CDH13: variants seen among roughly 807,000 people sequenced by gnomAD.
CDH13 encodes cadherin 13, also known as cadherin-13.
In CDH13, 24 loss-of-function variants were observed where a neutral mutation model predicts 63.8. That is an observed-to-expected ratio of 0.38 (90% CI 0.27 to 0.53). CDH13 has a LOEUF of 0.53. Among genes scored for constraint, CDH13 ranks in the 20% least tolerant of loss-of-function variants. CDH13 has a pLI of 0.85. For synonymous variants in CDH13, 503 were observed against 355.3 expected, an observed-to-expected ratio of 1.42 and a Z score of -4.67; for missense variants, 1,049 against 903.1, an observed-to-expected ratio of 1.16 and a Z score of -2.07.
At chr16:82,930,077 C>G (rs1015229843) in intron 2 of CDH13, among the ~76,000 whole-genome samples, 13 of 111,780 alleles carry the variant, frequency 1.2e-4, no homozygotes, top group Admixed American at 7.5e-4. Flanking sequence ...TAGAGTCTTA[C>G]TCTGTTGCCC....
intron 2 of CDH13, among the ~76,000 whole-genome samples, chr16:82,896,275 G>GGTTTTTTTTTTTTT (rs2041252984): frequency 1.4e-5 from 1 of 73,276 alleles, no homozygotes; most frequent in Non-Finnish European, 2.6e-5. Context: ...CTAGGATTAG[G>GGTTTTTTTTTTTTT]ATTTTTTTTT....
chr16:83,683,973 C>T (rs1007350150), intron 10 of CDH13, among the ~76,000 whole-genome samples: 1 of 152,216 alleles, frequency 6.6e-6, no homozygotes, highest in African/African-American at 2.4e-5. Flanking sequence ...CTTCCACTTT[C>T]AGCGTAGCAA....
chr16:82,761,017 C>CTTTTGTTTTTTTT (rs2034820869), intron 1 of CDH13, among the ~76,000 whole-genome samples: 1 of 40,452 alleles, frequency 2.5e-5, no homozygotes. Flanking sequence ...TTCTTTCTTT[C>CTTTTGTTTTTTTT]TTTTTTTTTT....
At chr16:83,189,909 A>C (rs1272031520) in intron 4 of CDH13, among the ~76,000 whole-genome samples, 1 of 152,052 alleles carries the variant, frequency 6.6e-6, no homozygotes, top group Non-Finnish European at 1.5e-5. Context: ...GTCTCATGAG[A>C]TCTGATGGTT....
At chr16:82,777,683 G>A (rs1173147881) in intron 1 of CDH13, among the ~76,000 whole-genome samples, 1 of 152,146 alleles carries the variant, frequency 6.6e-6, no homozygotes, top group African/African-American at 2.4e-5. Flanking sequence ...GGGTCTTTGG[G>A]CCATAATCAA....
At chr16:83,159,090 C>A (rs903621214) in intron 4 of CDH13, among the ~76,000 whole-genome samples, 1 of 152,144 alleles carries the variant, frequency 6.6e-6, no homozygotes, top group African/African-American at 2.4e-5. Flanking sequence ...GTCTTGCCTT[C>A]CATGTCTTGT....
At chr16:82,964,624 C>T (rs767547591) in intron 2 of CDH13, among the ~76,000 whole-genome samples, 5 of 152,210 alleles carry the variant, frequency 3.3e-5, no homozygotes, top group Non-Finnish European at 7.3e-5. Context: ...AAGAAACCAA[C>T]TTATAACACT....
At chr16:82,956,896 C>G (rs921973599) in intron 2 of CDH13, among the ~76,000 whole-genome samples, 2 of 152,184 alleles carry the variant, frequency 1.3e-5, no homozygotes, top group African/African-American at 4.8e-5. Flanking sequence ...ATATTACTCT[C>G]TCAAGTGATG....
intron 8 of CDH13, among the ~76,000 whole-genome samples, chr16:83,611,116 C>G (rs930399903): frequency 6.6e-6 from 1 of 152,094 alleles, no homozygotes; most frequent in Admixed American, 6.6e-5. Flanking sequence ...CTTTTCAAGT[C>G]TTTCAACCAT....
At chr16:82,685,978 G>C (rs1022053119) in intron 1 of CDH13, among the ~76,000 whole-genome samples, 6 of 152,166 alleles carry the variant, frequency 3.9e-5, no homozygotes, top group Non-Finnish European at 8.8e-5. Flanking sequence ...ACAGAGAGCT[G>C]ATAATTAAGG....
chr16:83,566,628 A>T (rs180997518), intron 7 of CDH13, among the ~76,000 whole-genome samples: 1 of 152,048 alleles, frequency 6.6e-6, no homozygotes, highest in Non-Finnish European at 1.5e-5. Flanking sequence ...TCCTTGTACC[A>T]TCTAATGAGG....
chr16:83,779,104 A>T (rs1249688898), intron 11 of CDH13, among the ~76,000 whole-genome samples: 1 of 152,186 alleles, frequency 6.6e-6, no homozygotes, highest in Non-Finnish European at 1.5e-5. Flanking sequence ...AAGCCTAAAG[A>T]ACTTCAATCA....
At chr16:83,765,727 T>C (rs750477371) in intron 11 of CDH13, among the ~76,000 whole-genome samples, 18 of 151,960 alleles carry the variant, frequency 1.2e-4, no homozygotes, top group Admixed American at 2.6e-4. Flanking sequence ...GAACACAAAG[T>C]ATAAAATAAA....
At chr16:82,687,982 A>G (rs1055627957) in intron 1 of CDH13, among the ~76,000 whole-genome samples, 1 of 152,182 alleles carries the variant, frequency 6.6e-6, no homozygotes, top group Non-Finnish European at 1.5e-5. Context: ...CCATTGCCAC[A>G]ATGAAACATG....
chr16:83,067,433 A>G (rs1381897946), intron 3 of CDH13, among the ~76,000 whole-genome samples: 2 of 152,222 alleles, frequency 1.3e-5, no homozygotes, highest in Non-Finnish European at 2.9e-5. Context: ...CAAGGACTCA[A>G]TGACAGCAAA....
At chr16:83,513,489 A>C (rs2074623658) in intron 7 of CDH13, among the ~76,000 whole-genome samples, 1 of 152,182 alleles carries the variant, frequency 6.6e-6, no homozygotes, top group Non-Finnish European at 1.5e-5. Flanking sequence ...TTTATAAAGG[A>C]AAGAGGTTTA....
intron 10 of CDH13, among the ~76,000 whole-genome samples, chr16:83,738,393 T>C (rs1425087890): frequency 6.6e-6 from 1 of 152,272 alleles, no homozygotes; most frequent in Non-Finnish European, 1.5e-5. Flanking sequence ...AAAATGTTAA[T>C]AGTGCTTATC....
chr16:83,750,938 C>G (rs1913027663), intron 11 of CDH13, among the ~76,000 whole-genome samples: 1 of 149,474 alleles, frequency 6.7e-6, no homozygotes, highest in South Asian at 2.1e-4. Context: ...GCATTTGGAA[C>G]AGTACCTTGC....
At chr16:82,808,233 C>T (rs2037254436) in intron 1 of CDH13, among the ~76,000 whole-genome samples, 1 of 152,156 alleles carries the variant, frequency 6.6e-6, no homozygotes, top group Middle Eastern at 3.2e-3. Flanking sequence ...ACTGCTAAAT[C>T]ATTGCACGCA....
Sources: gnomAD v4.1 joint callset for allele counts (sites outside exome capture counted in the v4.1 genomes callset) on GRCh38, gnomAD v4.1.1 for gene constraint, MANE v1.5 for transcripts, NCBI Gene and HGNC (gene_info 2026-07-23, HGNC 2026-07-21) for gene names.